CNTNAP2: variants seen among roughly 807,000 people sequenced by gnomAD.
The protein encoded by CNTNAP2 is contactin associated protein 2.
CNTNAP2 carries 98 observed loss-of-function variants against 155.2 expected under a neutral mutation model. That is an observed-to-expected ratio of 0.63 (90% CI 0.54 to 0.75). CNTNAP2 has a LOEUF of 0.75. Among genes scored for constraint, CNTNAP2 ranks in the 30% least tolerant of loss-of-function variants. The probability of loss-of-function intolerance (pLI) is 0.00; values close to 1 mark genes in which losing one functional copy is unlikely to be tolerated. For missense variants in CNTNAP2, 1,727 were observed against 1,688.1 expected, an observed-to-expected ratio of 1.02 and a Z score of -0.40; for synonymous variants, 651 against 631.2, an observed-to-expected ratio of 1.03 and a Z score of -0.47.
intron 1 of CNTNAP2, among the ~76,000 whole-genome samples, chr7:146,636,076 TA>T (rs747766794): frequency 4.0e-5 from 6 of 150,620 alleles, no homozygotes; most frequent in African/African-American, 9.8e-5. Flanking sequence ...TTCCTGTTAT[TA>T]AAATGTGGGT....
At chr7:148,228,717 A>T (rs767786850) in intron 19 of CNTNAP2, among the ~76,000 whole-genome samples, 4 of 50,450 alleles carry the variant, frequency 7.9e-5, no homozygotes, top group Non-Finnish European at 2.3e-4. Context: ...AGTCCCAGCT[A>T]CTGGGGATGC....
At chr7:147,017,338 TG>T (rs1440684124) in intron 3 of CNTNAP2, among the ~76,000 whole-genome samples, 2 of 145,350 alleles carry the variant, frequency 1.4e-5, no homozygotes, top group African/African-American at 5.3e-5. Flanking sequence ...GGATGTAATT[TG>T]TTATAACATG....
chr7:148,157,152 C>T (rs1253797804), intron 17 of CNTNAP2, among the ~76,000 whole-genome samples: 1 of 152,176 alleles, frequency 6.6e-6, no homozygotes, highest in African/African-American at 2.4e-5. Context: ...ACTTCGTCTT[C>T]TTCATTTACA....
intron 8 of CNTNAP2, among the ~76,000 whole-genome samples, chr7:147,287,604 C>T (rs1261359842): frequency 6.6e-6 from 1 of 151,572 alleles, no homozygotes; most frequent in Non-Finnish European, 1.5e-5. Context: ...TCATCTTGCC[C>T]CGTGACTTAC....
intron 1 of CNTNAP2, among the ~76,000 whole-genome samples, chr7:146,421,895 A>T (rs1211088274): frequency 1.3e-5 from 2 of 151,102 alleles, no homozygotes; most frequent in African/African-American, 4.8e-5. Context: ...ATATAGACAG[A>T]TTTTTTTTAC....
chr7:147,742,421 T>G (rs1796970563), intron 13 of CNTNAP2, among the ~76,000 whole-genome samples: 1 of 152,214 alleles, frequency 6.6e-6, no homozygotes, highest in African/African-American at 2.4e-5. Flanking sequence ...TAGCTGCTTG[T>G]TAATTCTTAA....
chr7:147,002,232 C>G (rs533959796), intron 3 of CNTNAP2, among the ~76,000 whole-genome samples: 5 of 151,934 alleles, frequency 3.3e-5, no homozygotes, highest in African/African-American at 1.2e-4. Context: ...AATGGATGAA[C>G]ATACACTCAC....
intron 9 of CNTNAP2, among the ~76,000 whole-genome samples, chr7:147,369,470 G>A (rs2116911823): frequency 6.6e-6 from 1 of 152,310 alleles, no homozygotes; most frequent in South Asian, 2.1e-4. Flanking sequence ...CATGTACGAT[G>A]AATTCTATAG....
Position 146,592,726 on chromosome 7 carries a change from T to C in CNTNAP2, c.98-181545T>C, listed in dbSNP as rs564542467. ...CATTCAAGGCAAAAATATCCATATA[T>C]TGTACCAGACACCTATTAACTTCAA... is the stretch of plus-strand genomic sequence containing the variant. On this transcript the variant is annotated intron_variant, in intron 1 of 23. Transcript: ENST00000361727. 4.6e-5 allele frequency among the ~76,000 whole-genome samples: 7 copies of C among 152,260 alleles called. No individual in the cohort carries two copies. The East Asian group carries it at 9.7e-4, about 21-fold the overall frequency.
At chr7:146,266,591 C>T (rs1231135449) in intron 1 of CNTNAP2, among the ~76,000 whole-genome samples, 4 of 151,960 alleles carry the variant, frequency 2.6e-5, no homozygotes. Context: ...CATAAGTGAG[C>T]TGTAATGTTA....
chr7:147,855,698 A>G (rs964927852), intron 13 of CNTNAP2, among the ~76,000 whole-genome samples: 2 of 152,122 alleles, frequency 1.3e-5, no homozygotes, highest in South Asian at 2.1e-4. Context: ...TTTACTCTCT[A>G]TTTTCCTATT....
At chr7:148,082,313 C>T (rs1358301209) in intron 15 of CNTNAP2, among the ~76,000 whole-genome samples, 2 of 152,188 alleles carry the variant, frequency 1.3e-5, no homozygotes, top group Non-Finnish European at 2.9e-5. Flanking sequence ...GGCTGAAGGG[C>T]ATCCAGTGAA....
chr7:146,903,080 G>C (rs949256294), intron 3 of CNTNAP2, among the ~76,000 whole-genome samples: 1 of 152,102 alleles, frequency 6.6e-6, no homozygotes, highest in South Asian at 2.1e-4. Context: ...TCAACTTCAC[G>C]TTGGGGCAAC....
intron 20 of CNTNAP2, among the ~76,000 whole-genome samples, chr7:148,252,846 C>T (rs1449045831): frequency 1.3e-5 from 2 of 152,092 alleles, no homozygotes. Context: ...CAAGCTGACT[C>T]TTCCCAAAAC....
chr7:146,284,577 C>T (rs1800298547), intron 1 of CNTNAP2, among the ~76,000 whole-genome samples: 1 of 152,138 alleles, frequency 6.6e-6, no homozygotes, highest in South Asian at 2.1e-4. Flanking sequence ...ATCTACTTAG[C>T]TAAAACTGAA....
chr7:147,462,957 C>G (rs1490407465), intron 10 of CNTNAP2, among the ~76,000 whole-genome samples: 1 of 152,102 alleles, frequency 6.6e-6, no homozygotes. Context: ...CTGTAAATAA[C>G]AAAATGGTAA....
At chr7:146,898,484 T>A (rs1361215850) in intron 3 of CNTNAP2, among the ~76,000 whole-genome samples, 1 of 151,582 alleles carries the variant, frequency 6.6e-6, no homozygotes, top group Non-Finnish European at 1.5e-5. Context: ...GTGCAACTGG[T>A]ATTTAAAAAA....
chr7:146,631,846 T>G (rs1444452131), intron 1 of CNTNAP2, among the ~76,000 whole-genome samples: 1 of 152,162 alleles, frequency 6.6e-6, no homozygotes, highest in Admixed American at 6.5e-5. Flanking sequence ...CAGTCAATAC[T>G]CTCTTTTGTT....
At chr7:146,464,258 C>T (rs1316068484) in intron 1 of CNTNAP2, among the ~76,000 whole-genome samples, 1 of 136,314 alleles carries the variant, frequency 7.3e-6, no homozygotes, top group Non-Finnish European at 1.6e-5. Context: ...CGCAAAAACC[C>T]TGTCAATAGA....
Sources: allele counts gnomAD v4.1 joint callset (sites outside exome capture counted in the v4.1 genomes callset), GRCh38; gene constraint gnomAD v4.1.1; transcripts MANE v1.5; gene names NCBI Gene and HGNC (gene_info 2026-07-23, HGNC 2026-07-21).